The following KIF24 variants were observed in gnomAD, a reference collection of about 807,000 sequenced individuals.
KIF24 encodes kinesin family member 24, also known as kinesin-like protein KIF24.
A neutral mutation model predicts 118.9 loss-of-function variants in KIF24; 81 were observed. That is an observed-to-expected ratio of 0.68 (90% CI 0.57 to 0.82). KIF24 has a LOEUF of 0.82. Among genes scored for constraint, KIF24 ranks in the 40% least tolerant of loss-of-function variants. The pLI is 0.00. For synonymous variants in KIF24, 599 were observed against 610.0 expected, an observed-to-expected ratio of 0.98 and a Z score of 0.27; for missense variants, 1,560 against 1,661.6, an observed-to-expected ratio of 0.94 and a Z score of 1.06.
At position 34,259,588 on chromosome 9, in the gene KIF24, T is replaced by G. The variant is rs747101201; in HGVS notation, c.1625+8A>C. ...TACACACAACCTGCCATCTGGGAGC[T>G]GACTTACCGGTCAGCATAGCGCAAG... On this transcript the variant is annotated splice_region_variant and intron_variant, in intron 10 of 12. Transcript: ENST00000402558. The G allele has an allele frequency of 1.2e-6, 2 of 1,610,348 alleles. No homozygotes were observed. Among genetic ancestry groups the G allele is most frequent in the South Asian group, 1.1e-5 (1 of 90,966 alleles).
In KIF24 at chr9:34,255,144, G is replaced by C; in HGVS notation, c.3894C>G (p.His1298Gln). The change falls in exon 12 of 13, where the codon CAC becomes CAG. Residue 1298 changes from histidine to glutamine, a missense_variant. His to Gln is a conservative substitution (Grantham distance 24). This residue lies in a region of KIF24 where 591 missense variants were observed against 655.6 expected (regional missense o/e 0.90). Coordinates refer to ENST00000402558, the MANE Select transcript of KIF24 (RefSeq NM_194313.4). ...EQAQQVVIRA[H>Q]QEQLDEMAEL... Reference sequence around the variant, plus strand: ...CAGCCATTTCATCCAGCTGTTCCTGGTGTGCTCGGATGACCACCTGCCTGG... The same window carrying C: ...CAGCCATTTCATCCAGCTGTTCCTGCTGTGCTCGGATGACCACCTGCCTGG... The C allele has an allele frequency of 6.3e-7, 1 of 1,587,944 alleles. No homozygotes were observed. The highest frequency in any genetic ancestry group is 8.6e-7 in the Non-Finnish European group (1 of 1,166,558).
At position 34,256,382 on chromosome 9, in the gene KIF24, C is replaced by A. The variant is rs1340170338; in HGVS notation, c.3225G>T (p.Gly1075=). ...TCTCTGCCACTAGACTGTGCGTAGC[C>A]CCATCCTGGACCAGCTGCTCCGAGG... The part of the protein sequence containing the change: ...SPPSEQLVQD[G]ATHSLVAEST... The change falls in exon 11 of 13, where the codon GGG becomes GGT. Residue 1075 remains glycine (G), a synonymous_variant. Transcript: ENST00000402558. 5.6e-6 allele frequency: 9 copies of A among 1,613,776 alleles called. No homozygotes were observed. Among genetic ancestry groups the A allele is most frequent in the Non-Finnish European group, 7.6e-6 (9 of 1,179,886 alleles).
intron 7 of KIF24, among the ~76,000 whole-genome samples, chr9:34,270,265 C>T (rs1342999191): frequency 6.6e-6 from 1 of 151,600 alleles, no homozygotes; most frequent in East Asian, 1.9e-4. Context: ...GCCTGTAATC[C>T]CAGCACTTTG....
chr9:34,330,420 C>CA (rs550448422), upstream of KIF24, among the ~76,000 whole-genome samples: 245 of 150,820 alleles, frequency 1.6e-3, no homozygotes, highest in Admixed American at 3.4e-3. Context: ...CAAAACAAAA[C>CA]AAAAAAAAAC....
intron 6 of KIF24, among the ~76,000 whole-genome samples, chr9:34,280,563 T>C (rs536619244): frequency 2.2e-4 from 34 of 152,202 alleles, no homozygotes; most frequent in Non-Finnish European, 4.1e-4. Flanking sequence ...ACAATTTCCT[T>C]AGGACTCCAC....
intron 1 of KIF24, among the ~76,000 whole-genome samples, chr9:34,315,620 G>A (rs1159787790): frequency 6.6e-6 from 1 of 152,224 alleles, no homozygotes; most frequent in Non-Finnish European, 1.5e-5. Context: ...GTACTACTGT[G>A]TGAATTATTA....
At position 34,277,435 on chromosome 9, in the gene KIF24, G is replaced by GCTCTC. The variant is rs535241875; in HGVS notation, c.1216-5506_1216-5505insGAGAG. On this transcript the variant is annotated intron_variant, in intron 6 of 12. Transcript: ENST00000402558. Reference sequence around the variant, plus strand: ...AATGATGCTAGTCCACTGAGACCTAGTGAGAGCTCAGAGAGGCCTCAAGAC... The same window carrying GCTCTC: ...AATGATGCTAGTCCACTGAGACCTAGCTCTCTGAGAGCTCAGAGAGGCCTCAAGAC... 6.6e-5 allele frequency among the ~76,000 whole-genome samples: 10 copies of GCTCTC among 152,324 alleles called. No individual in the cohort carries two copies. The South Asian group carries it at 2.1e-3, about 32-fold the overall frequency.
chr9:34,263,738 ATTTTT>A (rs11422359), intron 8 of KIF24, among the ~76,000 whole-genome samples: 1 of 137,644 alleles, frequency 7.3e-6, no homozygotes, highest in Admixed American at 7.6e-5. Flanking sequence ...TTTTTTCTTA[ATTTTT>A]TTTTTTTTTT....
intron 6 of KIF24, among the ~76,000 whole-genome samples, chr9:34,280,706 A>G (rs1196579540): frequency 6.6e-6 from 1 of 152,100 alleles, no homozygotes; most frequent in Non-Finnish European, 1.5e-5. Context: ...AAACAGACAC[A>G]CTCGGGCGCT....
In KIF24 at chr9:34,256,086, GCAT is replaced by G. The variant is rs1563931386; in HGVS notation, c.3518_3520del (p.Asp1173del). 6.2e-7 allele frequency: 1 copy of G among 1,613,908 alleles called. No homozygotes were observed. Among genetic ancestry groups the G allele is most frequent in the Admixed American group, 1.7e-5 (1 of 60,018 alleles). On this transcript the variant is annotated inframe_deletion, in exon 11 of 13. Transcript: ENST00000402558. ...ATCCAGCCCCGTCTCCTCTGCATCAGCATCATACTGCTCACTACCCATGTGTTC... is the reference window on the plus strand; with the variant it reads ...ATCCAGCCCCGTCTCCTCTGCATCAGCATACTGCTCACTACCCATGTGTTC...
At chr9:34,321,676 G>A (rs1350584247) in intron 1 of KIF24, among the ~76,000 whole-genome samples, 5 of 145,454 alleles carry the variant, frequency 3.4e-5, no homozygotes, top group South Asian at 2.2e-4. Flanking sequence ...GTGCAATCAC[G>A]GCTCACTGTA....
At chr9:34,264,470 T>TC (rs1360535844) in intron 8 of KIF24, among the ~76,000 whole-genome samples, 1 of 150,068 alleles carries the variant, frequency 6.7e-6, no homozygotes, top group African/African-American at 2.4e-5. Context: ...GTGGAAGCAA[T>TC]CCCTTGGAAT....
intron 8 of KIF24, among the ~76,000 whole-genome samples, chr9:34,266,570 C>T (rs1382482018): frequency 2.6e-5 from 4 of 151,136 alleles, no homozygotes; most frequent in African/African-American, 7.3e-5. Context: ...CCCAGCTACT[C>T]GGGAGGCTGA....
At chr9:34,304,787 A>G (rs1836851621) in intron 3 of KIF24, among the ~76,000 whole-genome samples, 1 of 152,188 alleles carries the variant, frequency 6.6e-6, no homozygotes, top group Non-Finnish European at 1.5e-5. Flanking sequence ...GAAGAACAAT[A>G]CAAGTTTGAA....
chr9:34,320,149 C>T (rs986973130), intron 1 of KIF24, among the ~76,000 whole-genome samples: 2 of 151,970 alleles, frequency 1.3e-5, no homozygotes, highest in East Asian at 1.9e-4. Context: ...TGAGGCAGAT[C>T]GAGAAAGAGC....
rs750437225 is a variant in KIF24 at position 34,256,663 on chromosome 9, C to T, written c.2944G>A (p.Glu982Lys). Residue 982 changes from glutamate to lysine, a missense_variant, in exon 11 of 13, where the codon GAA becomes AAA. Coordinates refer to ENST00000402558, the MANE Select transcript of KIF24 (RefSeq NM_194313.4). ...GACAATGAGATAGTGAAACCATCTT[C>T]CTCTGGGGATGGCAAGTTGCCCTCA... The part of the protein sequence containing the change: ...ENEGNLPSPE[E>K]DGFTISLSHV... The T allele has an allele frequency of 3.3e-5, 54 of 1,613,860 alleles. No individual in the cohort carries two copies. The highest frequency in any genetic ancestry group is 4.3e-5 in the Non-Finnish European group (51 of 1,179,886).
At chr9:34,330,732 C>T (rs917995234), upstream of KIF24, among the ~76,000 whole-genome samples, 1 of 152,106 alleles carries the variant, frequency 6.6e-6, no homozygotes, top group Non-Finnish European at 1.5e-5. Context: ...GAGGCCGAGG[C>T]GGGCGGATCA....
chr9:34,280,998 A>G (rs1234382137), intron 6 of KIF24, among the ~76,000 whole-genome samples: 1 of 152,164 alleles, frequency 6.6e-6, no homozygotes, highest in African/African-American at 2.4e-5. Context: ...ATTGTTATCA[A>G]TGTATTAATT....
Position 34,254,091 on chromosome 9 carries a change from A to G in KIF24, c.*289T>C. On this transcript the variant is annotated 3_prime_UTR_variant, in exon 13 of 13. Coordinates refer to ENST00000402558, the MANE Select transcript of KIF24 (RefSeq NM_194313.4). ...AGACCCAAATATATTCCCACAGGCAAGGGGTTAGTTAATCATATTCTCTAG... is the reference window on the plus strand; with the variant it reads ...AGACCCAAATATATTCCCACAGGCAGGGGGTTAGTTAATCATATTCTCTAG... The G allele has an allele frequency of 3.4e-6, 1 of 291,386 alleles. No homozygotes were observed. Among genetic ancestry groups the G allele is most frequent in the Non-Finnish European group, 6.3e-6 (1 of 158,632 alleles). The allele number at this position is 291,386 out of a possible 1,614,324, so 18.1% of individuals were successfully genotyped here. A position where few individuals can be genotyped will look rare whatever the true frequency, so the allele number is the denominator to read the frequency against.
Sources: gnomAD v4.1 joint callset for allele counts (sites outside exome capture counted in the v4.1 genomes callset) on GRCh38, gnomAD v4.1.1 for gene constraint, gnomAD v4.1.1 regional missense constraint, MANE v1.5 for transcripts, NCBI Gene and HGNC (gene_info 2026-07-23, HGNC 2026-07-21) for gene names.